The following SGCD variants were observed in gnomAD, a reference collection of about 807,000 sequenced individuals.
SGCD encodes the protein delta-sarcoglycan.
SGCD carries 18 observed loss-of-function variants against 36.6 expected under a neutral mutation model. The observed-to-expected ratio is 0.49, with a 90% confidence interval of 0.34 to 0.73. The LOEUF is 0.73. Among genes scored for constraint, SGCD ranks in the 30% least tolerant of loss-of-function variants. The probability of loss-of-function intolerance (pLI) is 0.01; values close to 1 mark genes in which losing one functional copy is unlikely to be tolerated. For synonymous variants in SGCD, 133 were observed against 130.6 expected, an observed-to-expected ratio of 1.02 and a Z score of -0.12; for missense variants, 387 against 346.7, an observed-to-expected ratio of 1.12 and a Z score of -0.92.
chr5:155,944,991 T>G lies in SGCD; in HGVS notation c.-282+74567T>G, dbSNP rs1429849521. Among the ~76,000 whole-genome samples, 13 of 150,648 alleles carry G rather than the reference T, an allele frequency of 8.6e-5. No individual in the cohort carries two copies. The South Asian group carries it at 2.8e-3, about 32-fold the overall frequency. On this transcript the variant is annotated intron_variant, in intron 1 of 9. Coordinates refer to the SGCD transcript ENST00000517913. ...CAAGTGAACAAACACATACCGAGAG[T>G]TTTTCTAGATACCAGTGGTTTTATT...
chr5:155,984,352 C>T (rs752887007), intron 1 of SGCD, among the ~76,000 whole-genome samples: 6 of 151,984 alleles, frequency 3.9e-5, no homozygotes, highest in African/African-American at 1.2e-4. Flanking sequence ...TAAATCTGTT[C>T]GTGATCTAAA....
intron 3 of SGCD, among the ~76,000 whole-genome samples, chr5:156,365,138 G>C (rs369682346): frequency 1.6e-4 from 24 of 152,260 alleles, no homozygotes; most frequent in Middle Eastern, 3.4e-3. Context: ...ATGTACAAAT[G>C]GTCATCAAGC....
chr5:156,432,923 G>T (rs1054013238), intron 3 of SGCD, among the ~76,000 whole-genome samples: 1 of 152,128 alleles, frequency 6.6e-6, no homozygotes, highest in Non-Finnish European at 1.5e-5. Context: ...TTCAGACCAC[G>T]CTCCTTCCTA....
Position 156,767,297 on chromosome 5 carries a change from T to C in SGCD, c.*7907T>C, listed in dbSNP as rs1757610368. 1 of 152,096 alleles carries C rather than the reference T, an allele frequency of 6.6e-6. No individual in the cohort carries two copies. The highest frequency in any genetic ancestry group is 2.1e-4 in the South Asian group (1 of 4,822). 9.4% of individuals were successfully genotyped at this position (152,096 alleles called of 1,614,324 possible). A position where few individuals can be genotyped will look rare whatever the true frequency, so the allele number is the denominator to read the frequency against. Reference sequence around the variant, plus strand: ...TTCATGTATCAACCACCTCCCCCAGTCAGGTTTCTCCCTTTTTGAGATTAT... The same window carrying C: ...TTCATGTATCAACCACCTCCCCCAGCCAGGTTTCTCCCTTTTTGAGATTAT... On this transcript the variant is annotated 3_prime_UTR_variant, in exon 9 of 9. Transcript: ENST00000337851.
intron 1 of SGCD, among the ~76,000 whole-genome samples, chr5:156,069,487 C>T (rs1423981010): frequency 3.3e-5 from 5 of 152,070 alleles, no homozygotes; most frequent in Admixed American, 3.3e-4. Context: ...ATCTATATCT[C>T]CATTTTGGTA....
chr5:156,603,842 G>T (rs922857307), intron 6 of SGCD, among the ~76,000 whole-genome samples: 2 of 151,950 alleles, frequency 1.3e-5, no homozygotes, highest in African/African-American at 2.4e-5. Context: ...AATGTTAAAC[G>T]TGTAATTGAA....
chr5:156,344,253 G>A lies in SGCD; in HGVS notation c.4-236G>A, dbSNP rs569154667. Among the ~76,000 whole-genome samples the A allele has an allele frequency of 2.0e-5, 3 of 152,252 alleles. No homozygotes were observed. The South Asian group carries it at 6.2e-4, about 31-fold the overall frequency. ...CTTTCCACCCATTATGTGTGTGACT[G>A]TGGCTGTATCAGTGCACATCAGAAG... On this transcript the variant is annotated intron_variant, in intron 2 of 8. Transcript: ENST00000337851.
the SGCD span, among the ~76,000 whole-genome samples, chr5:155,773,935 A>G: frequency 6.6e-6 from 1 of 152,098 alleles, no homozygotes; most frequent in Non-Finnish European, 1.5e-5. Context: ...GAGGGGGAGC[A>G]TGAAACTGTC....
intron 3 of SGCD, among the ~76,000 whole-genome samples, chr5:156,367,162 G>A (rs1238898327): frequency 6.6e-6 from 1 of 152,170 alleles, no homozygotes; most frequent in Non-Finnish European, 1.5e-5. Context: ...AATGCCAGTT[G>A]TAAACTGTTG....
At chr5:156,492,784 A>G (rs1270684625) in intron 3 of SGCD, among the ~76,000 whole-genome samples, 1 of 151,646 alleles carries the variant, frequency 6.6e-6, no homozygotes, top group Non-Finnish European at 1.5e-5. Context: ...TCATTGTTCA[A>G]CTCCCACTTA....
chr5:156,599,639 T>C (rs1761085408), intron 6 of SGCD, among the ~76,000 whole-genome samples: 1 of 152,170 alleles, frequency 6.6e-6, no homozygotes, highest in Non-Finnish European at 1.5e-5. Flanking sequence ...TCTTGAATAG[T>C]ATGGTAAAAA....
At chr5:156,480,672 A>C (rs939050976) in intron 3 of SGCD, among the ~76,000 whole-genome samples, 4 of 152,116 alleles carry the variant, frequency 2.6e-5, no homozygotes, top group Non-Finnish European at 4.4e-5. Context: ...TTTGTGGGGG[A>C]ATGAATTAAT....
chr5:156,391,524 C>A (rs1771570431), intron 3 of SGCD, among the ~76,000 whole-genome samples: 1 of 152,154 alleles, frequency 6.6e-6, no homozygotes, highest in African/African-American at 2.4e-5. Context: ...CACATACAGA[C>A]TTTTTACTTG....
chr5:156,476,295 A>T (rs1370265388), intron 3 of SGCD, among the ~76,000 whole-genome samples: 1 of 152,184 alleles, frequency 6.6e-6, no homozygotes, highest in Non-Finnish European at 1.5e-5. Context: ...TGAAAAAATT[A>T]GTAAAATCCA....
intron 7 of SGCD, among the ~76,000 whole-genome samples, chr5:156,722,137 C>A (rs1197054485): frequency 6.6e-6 from 1 of 152,306 alleles, no homozygotes; most frequent in South Asian, 2.1e-4. Context: ...GAACGCCATT[C>A]TGCTGACTAA....
the SGCD span, among the ~76,000 whole-genome samples, chr5:155,810,485 A>T: frequency 3.3e-5 from 5 of 151,712 alleles, no homozygotes; most frequent in African/African-American, 1.2e-4. Flanking sequence ...AAAGGACTAC[A>T]GTTACCATAT....
At chr5:156,400,272 G>A (rs1164678223) in intron 3 of SGCD, among the ~76,000 whole-genome samples, 1 of 152,160 alleles carries the variant, frequency 6.6e-6, no homozygotes, top group Non-Finnish European at 1.5e-5. Context: ...ATTGGTGAGA[G>A]CCAGCATGGA....
the SGCD span, among the ~76,000 whole-genome samples, chr5:155,758,499 A>G: frequency 3.3e-5 from 5 of 152,228 alleles, no homozygotes; most frequent in Admixed American, 2.6e-4. Flanking sequence ...GCCCAGGGTT[A>G]TGGACTGGTA....
At chr5:156,569,259 A>G (rs1002404466) in intron 4 of SGCD, among the ~76,000 whole-genome samples, 1 of 152,140 alleles carries the variant, frequency 6.6e-6, no homozygotes, top group Admixed American at 6.6e-5. Context: ...TCCCTGCCTC[A>G]TTGATCTTTT....
Sources: gnomAD v4.1 joint callset for allele counts (sites outside exome capture counted in the v4.1 genomes callset) on GRCh38, gnomAD v4.1.1 for gene constraint, MANE v1.5 for transcripts, NCBI Gene and HGNC (gene_info 2026-07-23, HGNC 2026-07-21) for gene names.